ROS1: variants seen among roughly 807,000 people sequenced by gnomAD.
ROS1 encodes proto-oncogene tyrosine-protein kinase ROS.
ROS1 carries 263 observed loss-of-function variants against 273.5 expected under a neutral mutation model. That is an observed-to-expected ratio of 0.96 (90% CI 0.87 to 1.06). The LOEUF is 1.06. Ranked by LOEUF, ROS1 falls within the 50% of genes least tolerant of loss-of-function variation. The pLI, the probability that ROS1 is intolerant of heterozygous loss-of-function variation, is 0.00. For missense variants in ROS1, 2,833 were observed against 2,751.1 expected (o/e 1.03, Z -0.67); for synonymous variants, 1,008 against 954.1 (o/e 1.06, Z -1.04).
At chr6:117,344,900 G>A (rs1019870459) in intron 27 of ROS1, among the ~76,000 whole-genome samples, 3 of 152,116 alleles carry the variant, frequency 2.0e-5, no homozygotes, top group Non-Finnish European at 2.9e-5. Context: ...GTGCAGTAGC[G>A]CAACCATACC....
At position 117,373,309 on chromosome 6, in the gene ROS1, G is replaced by A. The variant is rs940909350; in HGVS notation, c.2582+5750C>T. Among the ~76,000 whole-genome samples, 10 of 152,230 alleles carry A rather than the reference G, an allele frequency of 6.6e-5. No homozygotes were observed. In the South Asian group the frequency reaches 8.3e-4, roughly 13 times the overall value. On this transcript the variant is annotated intron_variant, in intron 18 of 43. Transcript: ENST00000368507. ...CGCCTGCACTCCTCAGCCCTTGGGC[G>A]GTCAATGGGATCGGGCGCCACGGAG...
In ROS1 at chr6:117,310,148, G is replaced by GCA. The variant is rs1775426246; in HGVS notation, c.6347_6348dup (p.Leu2117CysfsTer12). ...TCTGGAGCCATCCACCGAACTGGGAGCAGGCCTTCCCCTCTCTTTCTATAG... is the reference window on the plus strand; with the variant it reads ...TCTGGAGCCATCCACCGAACTGGGAGCACAGGCCTTCCCCTCTCTTTCTATAG... On this transcript the variant is annotated frameshift_variant, in exon 41 of 44. Coordinates refer to ENST00000368507, the MANE Select transcript of ROS1 (RefSeq NM_001378902.1). LOFTEE classifies it high-confidence loss of function. 1 of 1,613,482 alleles carries GCA rather than the reference G, an allele frequency of 6.2e-7. No individual in the cohort carries two copies. The highest frequency in any genetic ancestry group is 8.5e-7 in the Non-Finnish European group (1 of 1,179,636).
At chr6:117,385,470 GC>G (rs1381547676) in intron 16 of ROS1, among the ~76,000 whole-genome samples, 1 of 151,812 alleles carries the variant, frequency 6.6e-6, no homozygotes, top group African/African-American at 2.4e-5. Context: ...CCAAGATGGC[GC>G]CACTGCACTC....
intron 32 of ROS1, among the ~76,000 whole-genome samples, chr6:117,330,678 A>C (rs958457841): frequency 1.3e-5 from 2 of 152,152 alleles, no homozygotes; most frequent in Non-Finnish European, 2.9e-5. Context: ...GTGGGAGCAA[A>C]TCAGATGAAT....
chr6:117,306,939 T>C (rs896302510), intron 42 of ROS1, among the ~76,000 whole-genome samples: 2 of 152,164 alleles, frequency 1.3e-5, no homozygotes, highest in Non-Finnish European at 2.9e-5. Flanking sequence ...TTTTTATTAA[T>C]GATGTTCAAA....
At chr6:117,326,099 A>ATATATATATATT (rs1247454136) in intron 34 of ROS1, 125 bp downstream of exon 34, 1 of 127,762 alleles carries the variant, frequency 7.8e-6, no homozygotes, top group African/African-American at 3.3e-5. Flanking sequence ...GATTATATAT[A>ATATATATATATT]TATATATATA....
rs192060043 is a variant in ROS1 at position 117,369,521 on chromosome 6, C to G, written c.2583-3231G>C. Among the ~76,000 whole-genome samples the G allele has an allele frequency of 4.3e-3, 659 of 152,032 alleles. 9 individuals carry two copies. Among genetic ancestry groups the G allele is most frequent in the African/African-American group, 0.015 (634 of 41,462 alleles). On this transcript the variant is annotated intron_variant, in intron 18 of 43. Coordinates refer to ENST00000368507, the MANE Select transcript of ROS1 (RefSeq NM_001378902.1). ...CCCGGGAGGCGGAGCTTGCAGTGAG[C>G]CGAGATCGCGCCACTGCACCAGCCT...
intron 31 of ROS1, among the ~76,000 whole-genome samples, 153 bp from the exon 32 acceptor site, chr6:117,337,493 C>A (rs1777569821): frequency 6.6e-6 from 1 of 151,990 alleles, no homozygotes; most frequent in Non-Finnish European, 1.5e-5. Context: ...CAAACATTAC[C>A]CCACTGCCTA....
At chr6:117,300,276 A>G (rs1774615324) in intron 43 of ROS1, among the ~76,000 whole-genome samples, 1 of 151,510 alleles carries the variant, frequency 6.6e-6, no homozygotes, top group African/African-American at 2.4e-5. Context: ...TTAATCACCA[A>G]ATACTGAAGT....
At chr6:117,394,395 CA>C (rs765291299) in intron 10 of ROS1, 49 bp from the exon 11 acceptor site, 1 of 1,307,638 alleles carries the variant, frequency 7.6e-7, no homozygotes, top group Non-Finnish European at 1.0e-6. Flanking sequence ...ACAACCAGGA[CA>C]AAAAACTTGT....
At chr6:117,384,338 G>GCTGTA (rs1433228417) in intron 16 of ROS1, among the ~76,000 whole-genome samples, 1 of 152,022 alleles carries the variant, frequency 6.6e-6, no homozygotes, top group East Asian at 1.9e-4. Flanking sequence ...ACTGATGATG[G>GCTGTA]CTGTACATCA....
intron 18 of ROS1, among the ~76,000 whole-genome samples, chr6:117,376,898 A>G (rs576057087): frequency 6.6e-6 from 1 of 152,326 alleles, no homozygotes; most frequent in South Asian, 2.1e-4. Context: ...AGATGATTTT[A>G]AAATCTATTT....
intron 1 of ROS1, among the ~76,000 whole-genome samples, chr6:117,424,818 G>A (rs182780455): frequency 6.6e-6 from 1 of 151,954 alleles, no homozygotes; most frequent in Non-Finnish European, 1.5e-5. Context: ...CTATAGATAG[G>A]GTCATATGCA....
intron 42 of ROS1, among the ~76,000 whole-genome samples, chr6:117,306,903 A>C (rs1029446629): frequency 6.6e-6 from 1 of 152,082 alleles, no homozygotes; most frequent in Non-Finnish European, 1.5e-5. Flanking sequence ...GTCCTGCAGC[A>C]CTTGGAGGGC....
chr6:117,366,494 C>G (rs577249950), intron 18 of ROS1, among the ~76,000 whole-genome samples: 74 of 151,934 alleles, frequency 4.9e-4, no homozygotes, highest in African/African-American at 1.8e-3. Context: ...AAGTAGTAGA[C>G]CTAAAGTAAA....
chr6:117,341,669 A>G, intron 29 of ROS1, 37 bp from the exon 30 acceptor site: 1 of 1,472,304 alleles, frequency 6.8e-7, no homozygotes, highest in Admixed American at 1.7e-5. Context: ...AGGATGCTGC[A>G]ATAGCACTGA....
intron 25 of ROS1, among the ~76,000 whole-genome samples, chr6:117,357,309 C>T (rs1253405727): frequency 6.6e-6 from 1 of 152,216 alleles, no homozygotes; most frequent in Non-Finnish European, 1.5e-5. Context: ...AATAGCCTAT[C>T]CCCATGCTTA....
rs199766618 is a variant in ROS1, at chr6:117,389,427, G to A, written c.1709C>T (p.Pro570Leu). ...SSQLHPLPGR[P>L]QELSVLFGSH... ...GCCAAACAGCACCGAAAGCTCCTGC[G>A]GGCGGCCTGGCAGAGGGTGCAGCTG... The change falls in exon 13 of 44, where the codon CCG becomes CTG. Residue 570 changes from proline (P) to leucine (L), a missense_variant. Physicochemically the swap from Pro to Leu is moderately conservative, Grantham distance 98 (BLOSUM62 -3). Transcript: ENST00000368507. 11 of 1,614,154 alleles carry A rather than the reference G, an allele frequency of 6.8e-6. No individual in the cohort carries two copies. The highest frequency in any genetic ancestry group is 6.7e-5 in the East Asian group (3 of 44,872).
chr6:117,324,290 T>TAAAC (rs1273581999), intron 35 of ROS1, 42 bp downstream of exon 35: 1 of 900,086 alleles, frequency 1.1e-6, no homozygotes, highest in Admixed American at 2.1e-5. Context: ...TATGATTAAG[T>TAAAC]AAACAGTTTG....
Sources: gnomAD v4.1 joint callset for allele counts (sites outside exome capture counted in the v4.1 genomes callset) on GRCh38, gnomAD v4.1.1 for gene constraint, MANE v1.5 for transcripts, NCBI Gene and HGNC (gene_info 2026-07-23, HGNC 2026-07-21) for gene names.